C1QL3: variants seen among roughly 807,000 people sequenced by gnomAD.
The protein encoded by C1QL3 is complement C1q like 3, also known as complement C1q-like protein 3.
Under a neutral mutation model 16.6 loss-of-function variants are expected in C1QL3, and 4 were observed. That is an observed-to-expected ratio of 0.24 (90% CI 0.12 to 0.55). C1QL3 has a LOEUF of 0.55. C1QL3 is among the 20% of genes least tolerant of loss of function. C1QL3 has a pLI of 0.94. For synonymous variants in C1QL3, 189 were observed against 160.2 expected, an observed-to-expected ratio of 1.18 and a Z score of -1.36; for missense variants, 269 against 365.6, an observed-to-expected ratio of 0.74 and a Z score of 2.16.
At chr10:16,517,643 A>C (rs1324716507) in intron 1 of C1QL3, among the ~76,000 whole-genome samples, 1 of 152,172 alleles carries the variant, frequency 6.6e-6, no homozygotes, top group Non-Finnish European at 1.5e-5. Context: ...TGGTAGGATT[A>C]AATTTAGGTT....
chr10:16,517,451 T>C (rs1399584189), intron 1 of C1QL3, among the ~76,000 whole-genome samples: 2 of 152,168 alleles, frequency 1.3e-5, no homozygotes, highest in Admixed American at 6.5e-5. Context: ...ACAGTATTAG[T>C]TTTCATTCGA....
Position 16,514,381 on chromosome 10 carries a change from G to A in C1QL3, c.*147C>T, listed in dbSNP as rs1406853540. On this transcript the variant is annotated 3_prime_UTR_variant, in exon 2 of 2. Coordinates refer to ENST00000298943, the MANE Select transcript of C1QL3 (RefSeq NM_001010908.2). ...TTACATAATGTTTCTGAGTGATACA[G>A]ATGTGAGTCAGGTAGCATTTGATTT... 9.3e-6 allele frequency: 6 copies of A among 646,948 alleles called. No homozygotes were observed. Among genetic ancestry groups the A allele is most frequent in the Non-Finnish European group, 1.6e-5 (6 of 366,988 alleles). The allele number at this position is 646,948 out of a possible 1,614,324, so 40.1% of individuals were successfully genotyped here. A position where few individuals can be genotyped will look rare whatever the true frequency, so the allele number is the denominator to read the frequency against.
In C1QL3 at chr10:16,521,282, G is replaced by T. The variant is rs981777936; in HGVS notation, c.-217C>A. 3.6e-4 allele frequency: 182 copies of T among 507,684 alleles called. 2 individuals carry two copies. The East Asian group carries it at 6.0e-3, about 17-fold the overall frequency. 31.4% of individuals were successfully genotyped at this position (507,684 alleles called of 1,614,324 possible). Reference sequence around the variant, plus strand: ...TCCTGCTCCCCCCGCGGAGGCTGCGGCTGGGGAGGGAGCGCGGGCGCCCAG... The same window carrying T: ...TCCTGCTCCCCCCGCGGAGGCTGCGTCTGGGGAGGGAGCGCGGGCGCCCAG... On this transcript the variant is annotated 5_prime_UTR_variant, in exon 1 of 2. Coordinates refer to ENST00000298943, the MANE Select transcript of C1QL3 (RefSeq NM_001010908.2).
At position 16,520,897 on chromosome 10, in the gene C1QL3, T is replaced by C; in HGVS notation, c.169A>G (p.Thr57Ala). The change falls in exon 1 of 2, where the codon ACC (threonine) becomes GCC (alanine). Residue 57 changes from threonine (T) to alanine (A), a missense_variant. By Grantham distance (58) the Thr-to-Ala change is moderately conservative. Around this residue, in one of 2 missense-constraint regions of C1QL3, gnomAD observed 246 missense variants for 297.2 expected, o/e 0.83. Coordinates refer to ENST00000298943, the MANE Select transcript of C1QL3 (RefSeq NM_001010908.2). The surrounding 1 kb of genome is among the most constrained non-coding windows in gnomAD (Gnocchi z 8.3). ...TCGCCTTTGGGGCCCTGGATGAAGG[T>C]GGGCAGGGACTGCATGAGGCCGCGG... ...PDRGLMQSLPTFIQGPKGEAG... is the reference protein window; with the variant it reads ...PDRGLMQSLPAFIQGPKGEAG... The C allele has an allele frequency of 6.5e-7, 1 of 1,536,018 alleles. No homozygotes were observed. Among genetic ancestry groups the C allele is most frequent in the Non-Finnish European group, 8.7e-7 (1 of 1,149,578 alleles).
chr10:16,520,443 C>CCAG lies in C1QL3; in HGVS notation c.588+34_588+35insCTG. 1.6e-6 allele frequency: 2 copies of CCAG among 1,221,934 alleles called. No individual in the cohort carries two copies. Among genetic ancestry groups the CCAG allele is most frequent in the Non-Finnish European group, 2.3e-6 (2 of 872,116 alleles). The allele number at this position is 1,221,934 out of a possible 1,614,324, so 75.7% of individuals were successfully genotyped here. Reference sequence around the variant, plus strand: ...CTCTCGCCCGCACCTTCCCGCGCTCCCTCCCCGCCCTCCCCGCCGCCCGCC... The same window carrying CCAG: ...CTCTCGCCCGCACCTTCCCGCGCTCCCAGCTCCCCGCCCTCCCCGCCGCCCGCC... On this transcript the variant is annotated intron_variant, in intron 1 of 1. Transcript: ENST00000298943. The surrounding 1 kb of genome is among the most constrained non-coding windows in gnomAD (Gnocchi z 8.3).
chr10:16,514,385 TGA>T lies in C1QL3; in HGVS notation c.*141_*142del. ...ATAATGTTTCTGAGTGATACAGATG[TGA>T]GTCAGGTAGCATTTGATTTCCCCAC... On this transcript the variant is annotated 3_prime_UTR_variant, in exon 2 of 2. Coordinates refer to ENST00000298943, the MANE Select transcript of C1QL3 (RefSeq NM_001010908.2). The T allele has an allele frequency of 1.5e-6, 1 of 653,542 alleles. No homozygotes were observed. The highest frequency in any genetic ancestry group is 2.7e-6 in the Non-Finnish European group (1 of 371,414). The allele number at this position is 653,542 out of a possible 1,614,324, so 40.5% of individuals were successfully genotyped here.
At position 16,521,388 on chromosome 10, in the gene C1QL3, T is replaced by TCGCACC. The variant is rs1315085378; in HGVS notation, c.-329_-324dup. 4.9e-6 allele frequency: 1 copy of TCGCACC among 203,212 alleles called. No homozygotes were observed. The highest frequency in any genetic ancestry group is 2.3e-5 in the African/African-American group (1 of 42,932). 12.6% of individuals were successfully genotyped at this position (203,212 alleles called of 1,614,324 possible). A position where few individuals can be genotyped will look rare whatever the true frequency, so the allele number is the denominator to read the frequency against. ...GCGCCCTCGCCCCCCGCGAGCTCCT[T>TCGCACC]CGCACCTGTGGCTGCAGCCGGCGCC... On this transcript the variant is annotated 5_prime_UTR_variant, in exon 1 of 2. Coordinates refer to ENST00000298943, the MANE Select transcript of C1QL3 (RefSeq NM_001010908.2).
In C1QL3 at chr10:16,521,187, C is replaced by G; in HGVS notation, c.-122G>C. The G allele has an allele frequency of 1.1e-6, 1 of 937,272 alleles. No homozygotes were observed. The highest frequency in any genetic ancestry group is 1.6e-6 in the Non-Finnish European group (1 of 635,822). 58.1% of individuals were successfully genotyped at this position (937,272 alleles called of 1,614,324 possible). On this transcript the variant is annotated 5_prime_UTR_variant, in exon 1 of 2. Coordinates refer to ENST00000298943, the MANE Select transcript of C1QL3 (RefSeq NM_001010908.2). Reference sequence around the variant, plus strand: ...TTTGAAGGTTGGGCGGGGACCTCTTCAGAGCCGAAAACAACCCCCTGCGAA... The same window carrying G: ...TTTGAAGGTTGGGCGGGGACCTCTTGAGAGCCGAAAACAACCCCCTGCGAA...
At position 16,514,214 on chromosome 10, in the gene C1QL3, AG is replaced by A; in HGVS notation, c.*313del. The A allele has an allele frequency of 2.3e-6, 1 of 430,450 alleles. No homozygotes were observed. 26.7% of individuals were successfully genotyped at this position (430,450 alleles called of 1,614,324 possible). On this transcript the variant is annotated 3_prime_UTR_variant, in exon 2 of 2. Transcript: ENST00000298943. ...CAGTACACCAAAGTATCATATATATAGAAGAAATAATTCAATGTCTTAGATT... is the reference window on the plus strand; with the variant it reads ...CAGTACACCAAAGTATCATATATATAAAGAAATAATTCAATGTCTTAGATT...
Position 16,514,722 on chromosome 10 carries a change from C to T in C1QL3, c.589-15G>A. ...CTAGCACGCACCTATGTGAAACAGA[C>T]AAGAATTAGGATGCGTAAATGAGAA... On this transcript the variant is annotated splice_polypyrimidine_tract_variant and intron_variant, in intron 1 of 1. Transcript: ENST00000298943. 2.5e-6 allele frequency: 4 copies of T among 1,595,366 alleles called. No homozygotes were observed. The highest frequency in any genetic ancestry group is 3.4e-6 in the Non-Finnish European group (4 of 1,170,176).
rs1836921180 is a variant in C1QL3 at position 16,514,720 on chromosome 10, G to A, written c.589-13C>T. On this transcript the variant is annotated splice_polypyrimidine_tract_variant and intron_variant, in intron 1 of 1. Coordinates refer to ENST00000298943, the MANE Select transcript of C1QL3 (RefSeq NM_001010908.2). ...CACTAGCACGCACCTATGTGAAACA[G>A]ACAAGAATTAGGATGCGTAAATGAG... The A allele has an allele frequency of 6.3e-7, 1 of 1,596,990 alleles. No homozygotes were observed. Among genetic ancestry groups the A allele is most frequent in the Non-Finnish European group, 8.5e-7 (1 of 1,171,468 alleles).
chr10:16,516,900 A>G (rs993489991), intron 1 of C1QL3, among the ~76,000 whole-genome samples: 1 of 152,162 alleles, frequency 6.6e-6, no homozygotes, highest in Non-Finnish European at 1.5e-5. Context: ...ATTTTAACCT[A>G]TACTGTACCG....
chr10:16,516,331 A>T (rs927547912), intron 1 of C1QL3, among the ~76,000 whole-genome samples: 1 of 152,296 alleles, frequency 6.6e-6, no homozygotes, highest in South Asian at 2.1e-4. Context: ...ATTAATCATG[A>T]GTTTGTAGGA....
rs114280639 is a variant in C1QL3, at chr10:16,517,215, T to G, written c.589-2508A>C. Among the ~76,000 whole-genome samples, 813 of 152,230 alleles carry G rather than the reference T, an allele frequency of 5.3e-3. 5 individuals carry two copies. The highest frequency in any genetic ancestry group is 0.018 in the African/African-American group (768 of 41,566). ...CTACCTGAATTTACTCTAATATCTT[T>G]TCTTATTACAAGATAACTATTTAGA... On this transcript the variant is annotated intron_variant, in intron 1 of 1. Transcript: ENST00000298943.
chr10:16,514,453 G>C lies in C1QL3; in HGVS notation c.*75C>G. On this transcript the variant is annotated 3_prime_UTR_variant, in exon 2 of 2. Transcript: ENST00000298943. ...GTGCCCTGCCATTGGCATCCCCTGG[G>C]ATCCTTGATTCACTGACGTTAGCCA... 2.3e-6 allele frequency: 3 copies of C among 1,318,392 alleles called. No homozygotes were observed. The highest frequency in any genetic ancestry group is 3.2e-6 in the Non-Finnish European group (3 of 936,258). 81.7% of individuals were successfully genotyped at this position (1,318,392 alleles called of 1,614,324 possible).
chr10:16,516,651 A>G (rs1405236446), intron 1 of C1QL3, among the ~76,000 whole-genome samples: 1 of 152,210 alleles, frequency 6.6e-6, no homozygotes, highest in Admixed American at 6.5e-5. Context: ...AACAGGACAT[A>G]CTAAAATTAC....
At position 16,521,075 on chromosome 10, in the gene C1QL3, C is replaced by T; in HGVS notation, c.-10G>A. 1 of 1,592,398 alleles carries T rather than the reference C, an allele frequency of 6.3e-7. No individual in the cohort carries two copies. Among genetic ancestry groups the T allele is most frequent in the Non-Finnish European group, 8.5e-7 (1 of 1,175,422 alleles). Reference sequence around the variant, plus strand: ...CCAGCAGCAGCACCATCACCACCCCCAGCGCCCCGGCGGCGATCAGGCGCC... The same window carrying T: ...CCAGCAGCAGCACCATCACCACCCCTAGCGCCCCGGCGGCGATCAGGCGCC... On this transcript the variant is annotated 5_prime_UTR_variant, in exon 1 of 2. Coordinates refer to ENST00000298943, the MANE Select transcript of C1QL3 (RefSeq NM_001010908.2).
At position 16,521,221 on chromosome 10, in the gene C1QL3, C is replaced by T; in HGVS notation, c.-156G>A. 2 of 635,404 alleles carry T rather than the reference C, an allele frequency of 3.1e-6. No homozygotes were observed. The highest frequency in any genetic ancestry group is 5.2e-6 in the Non-Finnish European group (2 of 383,400). 39.4% of individuals were successfully genotyped at this position (635,404 alleles called of 1,614,324 possible). A position where few individuals can be genotyped will look rare whatever the true frequency, so the allele number is the denominator to read the frequency against. ...AAACAACCCCCTGCGAACCCCAACT[C>T]CCCTGGGCGTGCGTGCGCCGGCCGC... On this transcript the variant is annotated 5_prime_UTR_variant, in exon 1 of 2. Coordinates refer to ENST00000298943, the MANE Select transcript of C1QL3 (RefSeq NM_001010908.2).
chr10:16,514,527 A>G lies in C1QL3; in HGVS notation c.*1T>C. On this transcript the variant is annotated 3_prime_UTR_variant, in exon 2 of 2. Transcript: ENST00000298943. ...GAATAATAAGCTTAGTTTCTGCATT[A>G]TCAGTCAGCATAAATAATAAATCCA... 6.2e-7 allele frequency: 1 copy of G among 1,612,296 alleles called. No homozygotes were observed. Among genetic ancestry groups the G allele is most frequent in the South Asian group, 1.1e-5 (1 of 90,860 alleles).
Sources: allele counts gnomAD v4.1 joint callset (sites outside exome capture counted in the v4.1 genomes callset), GRCh38; gene constraint gnomAD v4.1.1; regional missense constraint gnomAD v4.1.1; non-coding constraint Gnocchi (gnomAD v3.1); transcripts MANE v1.5; gene names NCBI Gene and HGNC (gene_info 2026-07-23, HGNC 2026-07-21).